UBXN7: variants seen among roughly 807,000 people sequenced by gnomAD.
UBXN7 encodes the protein UBX domain-containing protein 7.
In UBXN7, 9 loss-of-function variants were observed where a neutral mutation model predicts 58.0. The observed-to-expected ratio is 0.16, with a 90% CI of 0.09 to 0.27. UBXN7 has a LOEUF of 0.27. UBXN7 is among the 10% of genes least tolerant of loss of function. The probability of loss-of-function intolerance (pLI) is 1.00; values close to 1 mark genes in which losing one functional copy is unlikely to be tolerated. For synonymous variants in UBXN7, 208 were observed against 205.0 expected (o/e 1.01, Z -0.12); for missense variants, 328 against 599.6 (o/e 0.55, Z 4.73).
At chr3:196,406,326 C>A (rs1400053633) in intron 2 of UBXN7, among the ~76,000 whole-genome samples, 2 of 151,990 alleles carry the variant, frequency 1.3e-5, no homozygotes, top group Non-Finnish European at 2.9e-5. Flanking sequence ...AGCCACCATG[C>A]CTGGACTTTT....
intron 1 of UBXN7, among the ~76,000 whole-genome samples, chr3:196,407,623 T>C (rs1730201580): frequency 1.3e-5 from 2 of 152,014 alleles, no homozygotes; most frequent in South Asian, 4.1e-4. Context: ...TCCTTCATAA[T>C]AAAACAAAAA....
At chr3:196,428,836 A>AG (rs1577484574) in intron 1 of UBXN7, among the ~76,000 whole-genome samples, 1 of 151,806 alleles carries the variant, frequency 6.6e-6, no homozygotes, top group African/African-American at 2.4e-5. Context: ...AAAAAAAAAA[A>AG]AAAGTTTTTA....
intron 5 of UBXN7, among the ~76,000 whole-genome samples, chr3:196,382,270 C>T (rs2108839802): frequency 6.6e-6 from 1 of 152,300 alleles, no homozygotes; most frequent in East Asian, 1.9e-4. Flanking sequence ...AAGGGAAGCC[C>T]ATCAGACTAA....
chr3:196,361,734 A>T, intron 10 of UBXN7, 110 bp downstream of exon 10: 1 of 908,486 alleles, frequency 1.1e-6, no homozygotes, highest in East Asian at 2.5e-5. Flanking sequence ...CACACTTAAT[A>T]GACTATGGAA....
intron 1 of UBXN7, among the ~76,000 whole-genome samples, chr3:196,425,563 C>T (rs1458442469): frequency 6.6e-6 from 1 of 152,074 alleles, no homozygotes; most frequent in Non-Finnish European, 1.5e-5. Context: ...AGTCTCACTC[C>T]TCTAATTAAA....
intron 7 of UBXN7, among the ~76,000 whole-genome samples, chr3:196,368,426 C>T (rs1728728775): frequency 1.3e-5 from 2 of 152,018 alleles, no homozygotes; most frequent in Admixed American, 6.6e-5. Context: ...TGAACATTCT[C>T]ATTATCTCTT....
chr3:196,418,337 T>C (rs970675296), intron 1 of UBXN7, among the ~76,000 whole-genome samples: 1 of 152,084 alleles, frequency 6.6e-6, no homozygotes, highest in Non-Finnish European at 1.5e-5. Context: ...AAGTTTACAG[T>C]ACTCTATACG....
chr3:196,387,924 C>G (rs1577453267), intron 5 of UBXN7, among the ~76,000 whole-genome samples: 1 of 152,058 alleles, frequency 6.6e-6, no homozygotes, highest in East Asian at 1.9e-4. Context: ...ACCATTTGAC[C>G]CAGCAATCCT....
chr3:196,430,791 C>T (rs1193489145), intron 1 of UBXN7, among the ~76,000 whole-genome samples: 1 of 152,178 alleles, frequency 6.6e-6, no homozygotes, highest in African/African-American at 2.4e-5. Flanking sequence ...AAGCATAATG[C>T]AGCAACACTA....
intron 3 of UBXN7, among the ~76,000 whole-genome samples, chr3:196,396,791 T>C (rs150059452): frequency 5.9e-5 from 9 of 152,136 alleles, no homozygotes; most frequent in South Asian, 2.1e-4. Flanking sequence ...AAACCAAGGA[T>C]GTCTTAGAAT....
At chr3:196,409,158 C>T (rs867497158) in intron 1 of UBXN7, among the ~76,000 whole-genome samples, 11 of 152,096 alleles carry the variant, frequency 7.2e-5, no homozygotes, top group African/African-American at 2.7e-4. Context: ...CACACATTCT[C>T]CCTTTAGCTG....
intron 1 of UBXN7, among the ~76,000 whole-genome samples, chr3:196,425,132 AG>A (rs550388732): frequency 1.3e-3 from 199 of 152,290 alleles, no homozygotes; most frequent in African/African-American, 3.5e-3. Context: ...TCCAAAACTG[AG>A]CTAACCATCT....
chr3:196,432,425 A>G lies in UBXN7; in HGVS notation c.-26T>C. On this transcript the variant is annotated 5_prime_UTR_variant, in exon 1 of 11. Transcript: ENST00000296328. ...CTTACCGCCGCCGCCGCCGCCGAAC[A>G]ACAACACAGACACACACGGACTGCC... 6.3e-7 allele frequency: 1 copy of G among 1,577,504 alleles called. No homozygotes were observed. Among genetic ancestry groups the G allele is most frequent in the Non-Finnish European group, 8.6e-7 (1 of 1,158,358 alleles).
At chr3:196,379,595 T>C (rs1729137628) in intron 5 of UBXN7, among the ~76,000 whole-genome samples, 2 of 152,186 alleles carry the variant, frequency 1.3e-5, no homozygotes, top group African/African-American at 2.4e-5. Flanking sequence ...TCCTGTCTAT[T>C]AGATCTCTTG....
Position 196,356,656 on chromosome 3 carries a change from G to C in UBXN7, c.*29C>G, listed in dbSNP as rs937133478. The C allele has an allele frequency of 1.0e-5, 16 of 1,565,076 alleles. No homozygotes were observed. The highest frequency in any genetic ancestry group is 1.2e-5 in the Non-Finnish European group (14 of 1,162,860). On this transcript the variant is annotated 3_prime_UTR_variant, in exon 11 of 11. Coordinates refer to ENST00000296328, the MANE Select transcript of UBXN7 (RefSeq NM_015562.2). Reference sequence around the variant, plus strand: ...ATCTCACAGGAAAAGGGAAAAAAGGGGTAAGCTGAGAGAGGTCAAGCCATG... The same window carrying C: ...ATCTCACAGGAAAAGGGAAAAAAGGCGTAAGCTGAGAGAGGTCAAGCCATG...
chr3:196,388,967 A>C (rs1729495073), intron 5 of UBXN7, among the ~76,000 whole-genome samples: 2 of 152,126 alleles, frequency 1.3e-5, no homozygotes, highest in African/African-American at 4.8e-5. Flanking sequence ...CATGAAATAC[A>C]AGGCAAAAAA....
chr3:196,408,604 T>C (rs1344473461), intron 1 of UBXN7, among the ~76,000 whole-genome samples: 2 of 152,162 alleles, frequency 1.3e-5, no homozygotes, highest in African/African-American at 4.8e-5. Context: ...AGAATCTCCT[T>C]CTCTTGGTGG....
At position 196,351,178 on chromosome 3, in the gene UBXN7, T is replaced by G. The variant is rs970777297; in HGVS notation, c.*5507A>C. The G allele has an allele frequency of 2.6e-5, 4 of 152,378 alleles. No individual in the cohort carries two copies. Among genetic ancestry groups the G allele is most frequent in the Middle Eastern group, 3.4e-3 (1 of 294 alleles). The allele number at this position is 152,378 out of a possible 1,614,324, so 9.4% of individuals were successfully genotyped here. ...CAGCCTAATTGTATCTTTAAAAAGC[T>G]GTTTCTGCCAAAACCAGGTGTGAAT... On this transcript the variant is annotated 3_prime_UTR_variant, in exon 11 of 11. Coordinates refer to ENST00000296328, the MANE Select transcript of UBXN7 (RefSeq NM_015562.2).
chr3:196,407,667 CATTT>C (rs1399173274), intron 1 of UBXN7, among the ~76,000 whole-genome samples: 1 of 151,272 alleles, frequency 6.6e-6, no homozygotes, highest in African/African-American at 2.4e-5. Flanking sequence ...TTTCTTTGGC[CATTT>C]ATTTAAATGG....
Sources: allele counts gnomAD v4.1 joint callset (sites outside exome capture counted in the v4.1 genomes callset), GRCh38; gene constraint gnomAD v4.1.1; transcripts MANE v1.5; gene names NCBI Gene and HGNC (gene_info 2026-07-23, HGNC 2026-07-21).